Variants in GRID1 observed in about 807,000 individuals in gnomAD.
GRID1 encodes glutamate ionotropic receptor delta type subunit 1.
In GRID1, 28 loss-of-function variants were observed where a neutral mutation model predicts 98.0. That is an observed-to-expected ratio of 0.29 (90% CI 0.21 to 0.39). The LOEUF is 0.39. Among genes scored for constraint, GRID1 ranks in the 10% least tolerant of loss-of-function variants. The probability of loss-of-function intolerance (pLI) is 1.00; values close to 1 mark genes in which losing one functional copy is unlikely to be tolerated. For synonymous variants in GRID1, 553 were observed against 538.5 expected (o/e 1.03, Z -0.37); for missense variants, 1,111 against 1,340.5 (o/e 0.83, Z 2.67).
chr10:85,703,195 A>T (rs1288117759), intron 12 of GRID1, among the ~76,000 whole-genome samples: 1 of 152,172 alleles, frequency 6.6e-6, no homozygotes, highest in African/African-American at 2.4e-5. Flanking sequence ...ATTAATGTAT[A>T]AAGGCAACAG....
At chr10:86,114,892 A>G (rs1844550041) in intron 4 of GRID1, among the ~76,000 whole-genome samples, 1 of 152,202 alleles carries the variant, frequency 6.6e-6, no homozygotes, top group Non-Finnish European at 1.5e-5. Context: ...CACCCAGTAC[A>G]GGTACTCTCA....
At chr10:85,721,227 A>G (rs1324987188) in intron 12 of GRID1, among the ~76,000 whole-genome samples, 1 of 152,200 alleles carries the variant, frequency 6.6e-6, no homozygotes. Context: ...AAACTGGATT[A>G]TTCTTACATC....
At chr10:85,871,609 G>A (rs986488384) in intron 5 of GRID1, among the ~76,000 whole-genome samples, 1 of 152,214 alleles carries the variant, frequency 6.6e-6, no homozygotes, top group Non-Finnish European at 1.5e-5. Context: ...CTAGCTTTGA[G>A]ACAATATGAT....
At chr10:86,050,050 C>A (rs979061261) in intron 4 of GRID1, among the ~76,000 whole-genome samples, 1 of 152,190 alleles carries the variant, frequency 6.6e-6, no homozygotes, top group Non-Finnish European at 1.5e-5. Context: ...CATCCATGCA[C>A]ACACACAAAC....
chr10:85,791,418 C>T (rs1334380311), intron 8 of GRID1, among the ~76,000 whole-genome samples: 2 of 152,196 alleles, frequency 1.3e-5, no homozygotes, highest in Non-Finnish European at 2.9e-5. Flanking sequence ...ACATCCAGGA[C>T]AAAGTGAATC....
chr10:85,705,607 A>T (rs1841506936), intron 12 of GRID1, among the ~76,000 whole-genome samples: 1 of 152,242 alleles, frequency 6.6e-6, no homozygotes, highest in African/African-American at 2.4e-5. Context: ...AACTCGTTTT[A>T]TGAGGCCAGC....
intron 8 of GRID1, among the ~76,000 whole-genome samples, chr10:85,770,154 G>A (rs1419638345): frequency 6.6e-6 from 1 of 152,200 alleles, no homozygotes; most frequent in Non-Finnish European, 1.5e-5. Flanking sequence ...TCGGACAGCA[G>A]CATTCGCGGT....
intron 5 of GRID1, among the ~76,000 whole-genome samples, chr10:85,897,723 T>C (rs1042079957): frequency 1.3e-5 from 2 of 152,218 alleles, no homozygotes; most frequent in Non-Finnish European, 2.9e-5. Context: ...CATTATCAAT[T>C]TTTTTGTGAT....
rs546363282 is a variant in GRID1, at chr10:85,603,533, C to T, written c.2602-832G>A. Among the ~76,000 whole-genome samples, 18 of 152,326 alleles carry T rather than the reference C, an allele frequency of 1.2e-4. 1 individual carries two copies. Among genetic ancestry groups the T allele is most frequent in the South Asian group, 4.1e-4 (2 of 4,830 alleles). On this transcript the variant is annotated intron_variant, in intron 15 of 15. Transcript: ENST00000327946. ...GCTTAAGAAAGAAAACAAAACAGAACAAATATTGTTCCTTTCAAATAACTT... is the reference window on the plus strand; with the variant it reads ...GCTTAAGAAAGAAAACAAAACAGAATAAATATTGTTCCTTTCAAATAACTT...
intron 2 of GRID1, among the ~76,000 whole-genome samples, chr10:86,255,221 T>C (rs1371120439): frequency 6.6e-6 from 1 of 152,268 alleles, no homozygotes; most frequent in Non-Finnish European, 1.5e-5. Flanking sequence ...TTTTCAAATA[T>C]TCTGTCATGC....
chr10:86,116,851 AAATT>A (rs1031450209), intron 4 of GRID1, among the ~76,000 whole-genome samples: 3 of 152,104 alleles, frequency 2.0e-5, no homozygotes, highest in Non-Finnish European at 2.9e-5. Context: ...ACCACCAAAT[AAATT>A]GTCCCTTAGA....
rs150359897 is a variant in GRID1, at chr10:85,920,370, C to T, written c.727-4131G>A. ...TGATCAGTCAGCGCAAAGTTCCTCC[C>T]GTTCCTTCTACTGGAGTCTCCAGCC... On this transcript the variant is annotated intron_variant, in intron 4 of 15. Transcript: ENST00000327946. Among the ~76,000 whole-genome samples the T allele has an allele frequency of 2.7e-3, 411 of 152,250 alleles. 2 individuals carry two copies. The highest frequency in any genetic ancestry group is 9.5e-3 in the African/African-American group (396 of 41,546).
In GRID1 at chr10:86,213,858, C is replaced by T. The variant is rs1846140539; in HGVS notation, c.236-7210G>A. On this transcript the variant is annotated intron_variant, in intron 2 of 15. Coordinates refer to ENST00000327946, the MANE Select transcript of GRID1 (RefSeq NM_017551.3). ...TCTGTTCTTCCCGGTCTCCCAAACT[C>T]AGTAAAGTGGTGTCCCATCCACCCA... Among the ~76,000 whole-genome samples, 2 of 152,270 alleles carry T rather than the reference C, an allele frequency of 1.3e-5. 1 individual carries two copies.
chr10:85,609,518 G>A (rs957899830), intron 15 of GRID1, among the ~76,000 whole-genome samples: 3 of 152,242 alleles, frequency 2.0e-5, no homozygotes, highest in Non-Finnish European at 4.4e-5. Context: ...TCAAAGGAGT[G>A]GAGGCAAGAA....
chr10:86,283,240 C>T (rs945831689), intron 2 of GRID1, among the ~76,000 whole-genome samples: 1 of 152,230 alleles, frequency 6.6e-6, no homozygotes, highest in African/African-American at 2.4e-5. Flanking sequence ...TTAGGAGACT[C>T]TCCTCTGGAA....
intron 8 of GRID1, among the ~76,000 whole-genome samples, chr10:85,761,813 A>AC (rs1842150202): frequency 1.3e-5 from 2 of 151,228 alleles, no homozygotes; most frequent in Non-Finnish European, 2.9e-5. Flanking sequence ...CTCCCCCCAC[A>AC]CCCCCCAAAA....
At chr10:86,032,684 C>T (rs1843203491) in intron 4 of GRID1, among the ~76,000 whole-genome samples, 1 of 152,130 alleles carries the variant, frequency 6.6e-6, no homozygotes, top group Admixed American at 6.5e-5. Flanking sequence ...GACACAAACA[C>T]TGCGGAAGGC....
intron 12 of GRID1, among the ~76,000 whole-genome samples, chr10:85,670,017 G>A (rs896973567): frequency 2.6e-5 from 4 of 152,076 alleles, no homozygotes; most frequent in African/African-American, 9.7e-5. Context: ...GTACAAATAT[G>A]TTTTTCTAGT....
At chr10:85,759,921 C>A (rs527450802) in intron 8 of GRID1, among the ~76,000 whole-genome samples, 1 of 152,268 alleles carries the variant, frequency 6.6e-6, no homozygotes, top group South Asian at 2.1e-4. Context: ...TCCTGCCATG[C>A]CAGGTAAAGA....
Sources: allele counts gnomAD v4.1 joint callset (sites outside exome capture counted in the v4.1 genomes callset), GRCh38; gene constraint gnomAD v4.1.1; transcripts MANE v1.5; gene names NCBI Gene and HGNC (gene_info 2026-07-23, HGNC 2026-07-21).